Variants in OVCH1 observed in about 807,000 individuals in gnomAD.
OVCH1 encodes the protein ovochymase-1.
OVCH1 carries 139 observed loss-of-function variants against 138.4 expected under a neutral mutation model. The ratio of observed to expected loss-of-function variants is 1.00; its 90% CI spans 0.87 to 1.16. The LOEUF is 1.16. Ranked by LOEUF, OVCH1 falls within the 50% of genes most tolerant of loss-of-function variation. The pLI, the probability that OVCH1 is intolerant of heterozygous loss-of-function variation, is 0.00. For missense variants in OVCH1, 1,367 were observed against 1,357.9 expected, an observed-to-expected ratio of 1.01 and a Z score of -0.11; for synonymous variants, 453 against 467.8, an observed-to-expected ratio of 0.97 and a Z score of 0.41.
chr12:29,439,826 C>G (rs1296020769), intron 25 of OVCH1, among the ~76,000 whole-genome samples, 27 bp downstream of exon 26: 1 of 152,126 alleles, frequency 6.6e-6, no homozygotes, highest in Non-Finnish European at 1.5e-5. Flanking sequence ...ACTAAAACAA[C>G]TCACAAAATT....
chr12:29,405,021 C>CAAAAAAA, the OVCH1 span, among the ~76,000 whole-genome samples: 52 of 80,408 alleles, frequency 6.5e-4, 1 homozygote, highest in African/African-American at 1.8e-3. Context: ...CACTCCACCT[C>CAAAAAAA]AAAAAAAAAA....
At chr12:29,476,755 G>GCGCA (rs1264497944) in intron 12 of OVCH1, among the ~76,000 whole-genome samples, 16 of 103,420 alleles carry the variant, frequency 1.5e-4, no homozygotes, top group African/African-American at 5.4e-4. Flanking sequence ...ACACACGCGC[G>GCGCA]CACACACACA....
At chr12:29,431,770 C>T (rs1019802860) in intron 27 of OVCH1, among the ~76,000 whole-genome samples, 5 of 152,176 alleles carry the variant, frequency 3.3e-5, no homozygotes, top group African/African-American at 4.8e-5. Context: ...TCTTCTGTCA[C>T]GAAAAACATG....
intron 27 of OVCH1, among the ~76,000 whole-genome samples, chr12:29,431,227 A>G (rs1592032314): frequency 6.6e-6 from 1 of 152,252 alleles, no homozygotes; most frequent in South Asian, 2.1e-4. Context: ...GCTTGAGCCC[A>G]GGAGGTTGAG....
At chr12:29,433,675 T>G (rs1357043928) in intron 27 of OVCH1, 2 of 1,355,202 alleles carry the variant, frequency 1.5e-6, no homozygotes, top group East Asian at 2.9e-5. Flanking sequence ...CAACAATTTG[T>G]TGGTGGTCTG....
chr12:29,478,768 C>A (rs1214845323), intron 9 of OVCH1, 67 bp downstream of exon 10: 2 of 1,158,592 alleles, frequency 1.7e-6, no homozygotes, highest in Non-Finnish European at 2.3e-6. Context: ...ATTTTAGATC[C>A]TTTAGCATCT....
At chr12:29,405,332 A>G in the OVCH1 span, among the ~76,000 whole-genome samples, 2 of 151,666 alleles carry the variant, frequency 1.3e-5, no homozygotes, top group African/African-American at 2.4e-5. Flanking sequence ...CATCAATGCA[A>G]TCCTTGAATT....
intron 16 of OVCH1, among the ~76,000 whole-genome samples, chr12:29,470,017 C>CA (rs2136001396): frequency 6.6e-6 from 1 of 152,216 alleles, no homozygotes; most frequent in East Asian, 1.9e-4. Context: ...TACAGTTATA[C>CA]ACAGCCACAT....
intron 27 of OVCH1, among the ~76,000 whole-genome samples, chr12:29,433,022 T>G (rs12828155): frequency 0.31 from 46,639 of 152,102 alleles, 8,610 homozygotes; most frequent in Middle Eastern, 0.51. Context: ...GGGGAGACAG[T>G]GAGTATAAAT....
the OVCH1 span, among the ~76,000 whole-genome samples, chr12:29,405,150 T>A: frequency 6.6e-6 from 1 of 151,780 alleles, no homozygotes; most frequent in African/African-American, 2.4e-5. Flanking sequence ...TTTTGAGAAC[T>A]GAGTTCACTT....
Position 29,464,525 on chromosome 12 carries a change from A to ATCCGG in OVCH1, c.2102_2106dup (p.Trp703ProfsTer12), listed in dbSNP as rs752364385. Reference sequence around the variant, plus strand: ...TGCTTACCTGCACTGATGCTTCCCCATCCGGTCACAGCACAGATCTCCGAG... The same window carrying ATCCGG: ...TGCTTACCTGCACTGATGCTTCCCCATCCGGTCCGGTCACAGCACAGATCTCCGAG... On this transcript the variant is annotated frameshift_variant, in exon 18 of 28. Transcript: ENST00000318184. LOFTEE classifies it high-confidence loss of function. 4.3e-6 allele frequency: 7 copies of ATCCGG among 1,613,388 alleles called. No homozygotes were observed. Among genetic ancestry groups the ATCCGG allele is most frequent in the Non-Finnish European group, 4.2e-6 (5 of 1,179,564 alleles).
chr12:29,472,031 A>C (rs374015896), intron 15 of OVCH1, 49 bp from the exon 16 acceptor site: 4 of 1,518,316 alleles, frequency 2.6e-6, no homozygotes, highest in Admixed American at 4.1e-5. Context: ...GTAATTTAGA[A>C]CATACTCCTC....
chr12:29,433,823 A>G (rs1474213439), intron 26 of OVCH1: 33 of 1,390,854 alleles, frequency 2.4e-5, no homozygotes, highest in Non-Finnish European at 3.1e-5. Context: ...ACTAAAATTA[A>G]GTAAAATGTT....
chr12:29,494,399 G>A (rs574851223), intron 4 of OVCH1, among the ~76,000 whole-genome samples: 8 of 152,282 alleles, frequency 5.3e-5, no homozygotes, highest in Middle Eastern at 3.4e-3. Context: ...TATTACCTGT[G>A]TTGAGAGAGT....
At chr12:29,430,280 T>A (rs1941246606) in intron 27 of OVCH1, among the ~76,000 whole-genome samples, 1 of 152,238 alleles carries the variant, frequency 6.6e-6, no homozygotes, top group Admixed American at 6.5e-5. Flanking sequence ...ACTATTTTTG[T>A]GCTGGTTGGC....
At chr12:29,488,620 C>CAAAAAAAAAAAAAAAAAA (rs67595567) in intron 6 of OVCH1, among the ~76,000 whole-genome samples, 29 of 61,724 alleles carry the variant, frequency 4.7e-4, no homozygotes, top group East Asian at 3.3e-3. Flanking sequence ...GACTCCATCT[C>CAAAAAAAAAAAAAAAAAA]AAAAAAAAAA....
chr12:29,437,771 G>A (rs992704965), intron 26 of OVCH1, among the ~76,000 whole-genome samples: 3 of 152,270 alleles, frequency 2.0e-5, no homozygotes, highest in African/African-American at 7.2e-5. Context: ...TATCAAAAGA[G>A]GCTAATGGTT....
intron 4 of OVCH1, among the ~76,000 whole-genome samples, chr12:29,492,664 T>C (rs1196172064): frequency 6.6e-6 from 1 of 152,174 alleles, no homozygotes; most frequent in Non-Finnish European, 1.5e-5. Context: ...TCATTGGATG[T>C]ACAGTGTCCA....
downstream of OVCH1, among the ~76,000 whole-genome samples, chr12:29,426,949 G>A (rs1941189800): frequency 6.6e-6 from 1 of 152,196 alleles, no homozygotes; most frequent in Admixed American, 6.5e-5. Flanking sequence ...TAGCAACATG[G>A]ATTGGACAGT....
Sources: gnomAD v4.1 joint callset for allele counts (sites outside exome capture counted in the v4.1 genomes callset) on GRCh38, gnomAD v4.1.1 for gene constraint, MANE v1.5 for transcripts, NCBI Gene and HGNC (gene_info 2026-07-23, HGNC 2026-07-21) for gene names.